The following LUZP2 variants were observed in gnomAD, a reference collection of about 807,000 sequenced individuals.
The protein encoded by LUZP2 is leucine zipper protein 2.
In LUZP2, 52 loss-of-function variants were observed where a neutral mutation model predicts 51.6. That is an observed-to-expected ratio of 1.01 (90% CI 0.81 to 1.27). The LOEUF is 1.27. LUZP2 is among the 50% of genes most tolerant of loss of function. The pLI is 0.00. For synonymous variants in LUZP2, 154 were observed against 137.3 expected, an observed-to-expected ratio of 1.12 and a Z score of -0.85; for missense variants, 436 against 395.4, an observed-to-expected ratio of 1.10 and a Z score of -0.87.
chr11:24,751,185 A>C (rs1859570847), intron 4 of LUZP2, among the ~76,000 whole-genome samples: 2 of 152,248 alleles, frequency 1.3e-5, no homozygotes, highest in Admixed American at 1.3e-4. Context: ...TAACTGCTAA[A>C]AAATCATAGC....
rs540274042 is a variant in LUZP2 at position 24,959,464 on chromosome 11, C to T, written c.523-17127C>T. ...GGTTTGTAGTTCTCCTTGAAGAGGT[C>T]CTTCACGTCCCTTGTAAGTTGGATT... On this transcript the variant is annotated intron_variant, in intron 7 of 11. Coordinates refer to ENST00000336930, the MANE Select transcript of LUZP2 (RefSeq NM_001009909.4). Among the ~76,000 whole-genome samples, 558 of 152,210 alleles carry T rather than the reference C, an allele frequency of 3.7e-3. 1 individual carries two copies. The highest frequency in any genetic ancestry group is 0.013 in the African/African-American group (540 of 41,520).
chr11:24,746,799 T>C (rs1859398815), intron 4 of LUZP2, among the ~76,000 whole-genome samples: 7 of 152,216 alleles, frequency 4.6e-5, no homozygotes. Flanking sequence ...TGGAAGACCT[T>C]GTCTTTGAAC....
At chr11:24,910,389 C>A (rs1186289896) in intron 6 of LUZP2, among the ~76,000 whole-genome samples, 6 of 152,164 alleles carry the variant, frequency 3.9e-5, no homozygotes, top group Non-Finnish European at 8.8e-5. Flanking sequence ...TCATGGCAGC[C>A]CTTCCCATCA....
chr11:25,012,670 A>G (rs753373522), intron 9 of LUZP2, among the ~76,000 whole-genome samples: 2 of 152,162 alleles, frequency 1.3e-5, no homozygotes, highest in African/African-American at 2.4e-5. Context: ...CTTCAGGGAG[A>G]TATCATCTTA....
chr11:24,580,025 G>T (rs1020398517), intron 1 of LUZP2, among the ~76,000 whole-genome samples: 1 of 152,074 alleles, frequency 6.6e-6, no homozygotes, highest in Non-Finnish European at 1.5e-5. Flanking sequence ...TTAGTAAAAT[G>T]AATTGGTTAA....
chr11:25,062,405 T>G (rs966013846), intron 10 of LUZP2, among the ~76,000 whole-genome samples: 12 of 147,450 alleles, frequency 8.1e-5, no homozygotes, highest in Non-Finnish European at 1.5e-4. Context: ...GGAAACATGT[T>G]GAAACTCTGC....
rs373230448 is a variant in LUZP2, at chr11:24,952,993, C to A, written c.523-23598C>A. Among the ~76,000 whole-genome samples, 13 of 151,880 alleles carry A rather than the reference C, an allele frequency of 8.6e-5. No individual in the cohort carries two copies. In the East Asian group the frequency reaches 1.2e-3, roughly 14 times the overall value. ...CAAATTTGCCAAATTCTGTGTCATT[C>A]AGCTCCACTTATGAATTCAAGTGAA... On this transcript the variant is annotated intron_variant, in intron 7 of 11. Transcript: ENST00000336930.
At chr11:24,516,347 A>C (rs529570202) in intron 1 of LUZP2, among the ~76,000 whole-genome samples, 85 of 152,186 alleles carry the variant, frequency 5.6e-4, no homozygotes, top group Non-Finnish European at 1.0e-3. Flanking sequence ...AAATAATCAG[A>C]ATCCAGTTTT....
intron 5 of LUZP2, among the ~76,000 whole-genome samples, chr11:24,856,288 C>CG (rs144732563): frequency 0.15 from 23,021 of 151,884 alleles, 1,900 homozygotes; most frequent in African/African-American, 0.2. Flanking sequence ...TATGAACAGA[C>CG]TTTTTCAAAG....
chr11:24,729,543 T>C (rs1185235668), intron 2 of LUZP2, among the ~76,000 whole-genome samples: 2 of 151,932 alleles, frequency 1.3e-5, no homozygotes, highest in African/African-American at 4.8e-5. Flanking sequence ...AAGATCAGTT[T>C]GACCCCTGTG....
chr11:24,908,536 G>C (rs1424455719), intron 6 of LUZP2, among the ~76,000 whole-genome samples: 1 of 152,080 alleles, frequency 6.6e-6, no homozygotes, highest in African/African-American at 2.4e-5. Context: ...ATCTGGAACT[G>C]TATTTAAAAT....
At chr11:24,996,854 T>G (rs1590815554) in intron 9 of LUZP2, among the ~76,000 whole-genome samples, 2 of 152,148 alleles carry the variant, frequency 1.3e-5, no homozygotes, top group East Asian at 3.9e-4. Flanking sequence ...CATCTATCAG[T>G]AAGAATATGC....
At chr11:24,885,628 T>C (rs143476430) in intron 5 of LUZP2, among the ~76,000 whole-genome samples, 5 of 152,312 alleles carry the variant, frequency 3.3e-5, no homozygotes, top group South Asian at 2.1e-4. Flanking sequence ...TTGAAATGTG[T>C]TGCAATTTTA....
chr11:24,875,849 G>A (rs556605441), intron 5 of LUZP2, among the ~76,000 whole-genome samples: 8 of 152,190 alleles, frequency 5.3e-5, no homozygotes, highest in African/African-American at 1.9e-4. Context: ...TTCTCTGATA[G>A]CCAGTGATGG....
At chr11:24,569,719 G>T (rs1341018713) in intron 1 of LUZP2, among the ~76,000 whole-genome samples, 1 of 151,508 alleles carries the variant, frequency 6.6e-6, no homozygotes, top group East Asian at 1.9e-4. Flanking sequence ...TACATATGCT[G>T]AAAAAATATT....
At chr11:24,985,619 A>C (rs1403478153) in intron 9 of LUZP2, among the ~76,000 whole-genome samples, 1 of 151,720 alleles carries the variant, frequency 6.6e-6, no homozygotes, top group Admixed American at 6.6e-5. Flanking sequence ...GTCATGACCT[A>C]GTGACTAAAT....
chr11:24,927,135 C>A (rs371696606), intron 7 of LUZP2, among the ~76,000 whole-genome samples: 1 of 149,948 alleles, frequency 6.7e-6, no homozygotes, highest in Non-Finnish European at 1.5e-5. Flanking sequence ...GTTTGAGTTC[C>A]TCATAGATTC....
intron 5 of LUZP2, among the ~76,000 whole-genome samples, chr11:24,863,948 A>C (rs1851812719): frequency 6.6e-6 from 1 of 152,170 alleles, no homozygotes; most frequent in African/African-American, 2.4e-5. Flanking sequence ...TGTAATTATA[A>C]CAGGATTATT....
At chr11:24,666,039 A>T (rs1295940358) in intron 1 of LUZP2, among the ~76,000 whole-genome samples, 1 of 152,178 alleles carries the variant, frequency 6.6e-6, no homozygotes, top group Non-Finnish European at 1.5e-5. Context: ...ATCATTTATC[A>T]AACATTTGAA....
Sources: gnomAD v4.1 joint callset for allele counts (sites outside exome capture counted in the v4.1 genomes callset) on GRCh38, gnomAD v4.1.1 for gene constraint, MANE v1.5 for transcripts, NCBI Gene and HGNC (gene_info 2026-07-23, HGNC 2026-07-21) for gene names.